Variants in DNHD1 observed in about 807,000 individuals in gnomAD.
DNHD1 encodes dynein heavy chain domain 1.
DNHD1 carries 383 observed loss-of-function variants against 458.1 expected under a neutral mutation model. The observed-to-expected ratio is 0.84, with a 90% CI of 0.77 to 0.91. DNHD1 has a LOEUF of 0.91. DNHD1 is among the 40% of genes least tolerant of loss of function. The probability of loss-of-function intolerance (pLI) is 0.00; values close to 1 mark genes in which losing one functional copy is unlikely to be tolerated. For missense variants in DNHD1, 5,336 were observed against 5,866.1 expected (o/e 0.91, Z 2.95); for synonymous variants, 2,203 against 2,376.9 (o/e 0.93, Z 2.13).
At chr11:6,509,876 G>A (rs1028559755) in intron 6 of DNHD1, among the ~76,000 whole-genome samples, 2 of 152,130 alleles carry the variant, frequency 1.3e-5, no homozygotes. Context: ...TTAGGTGGAA[G>A]ACATTAGGGA....
At position 6,558,204 on chromosome 11, in the gene DNHD1, A is replaced by G. The variant is rs187626415; in HGVS notation, c.8909A>G (p.Tyr2970Cys). ...LATSGSFPGQ[Y>C]TEADLDRIGE... Reference sequence around the variant, plus strand: ...ACCTCAGGCAGTTTCCCTGGCCAGTACACAGAAGCAGATTTGGACCGCATT... The same window carrying G: ...ACCTCAGGCAGTTTCCCTGGCCAGTGCACAGAAGCAGATTTGGACCGCATT... Residue 2970 changes from tyrosine to cysteine, a missense_variant, in exon 25 of 43, where the codon TAC becomes TGC. Physicochemically the swap from Tyr to Cys is radical, Grantham distance 194. Transcript: ENST00000254579. The G allele has an allele frequency of 2.3e-5, 36 of 1,551,690 alleles. No homozygotes were observed. The East Asian group carries it at 8.3e-4, about 36-fold the overall frequency.
chr11:6,500,638 C>T (rs547853596), intron 3 of DNHD1, among the ~76,000 whole-genome samples: 4 of 152,198 alleles, frequency 2.6e-5, no homozygotes, highest in African/African-American at 9.7e-5. Context: ...GGATCAAGTT[C>T]TTTGCCCTCC....
Position 6,498,182 on chromosome 11 carries a change from G to C in DNHD1, c.-34G>C. The C allele has an allele frequency of 1.9e-6, 3 of 1,584,422 alleles. No homozygotes were observed. Among genetic ancestry groups the C allele is most frequent in the Non-Finnish European group, 2.6e-6 (3 of 1,163,578 alleles). ...AGTTGGAGCCTGAGCTATGGGCAAG[G>C]TCACTTCGACAGCAGTTGAATGCCC... On this transcript the variant is annotated 5_prime_UTR_variant, in exon 3 of 43. Coordinates refer to ENST00000254579, the MANE Select transcript of DNHD1 (RefSeq NM_144666.3).
Position 6,570,137 on chromosome 11 carries a change from C to T in DNHD1, c.12955+37C>T, listed in dbSNP as rs1853807835. ...CCTCTCCCCCTTGGAGTCATCAGCC[C>T]CCAGGAGAGCCTGGAAGAGGGTGGG... On this transcript the variant is annotated intron_variant, in intron 40 of 42. Transcript: ENST00000254579. The T allele has an allele frequency of 2.5e-6, 4 of 1,613,072 alleles. No homozygotes were observed. The African/African-American group carries it at 4.0e-5, about 16-fold the overall frequency.
At position 6,545,746 on chromosome 11, in the gene DNHD1, C is replaced by A; in HGVS notation, c.4807C>A (p.Arg1603Ser). The change falls in exon 21 of 43, where the codon CGC becomes AGC. Residue 1603 changes from arginine (R) to serine (S), a missense_variant. By Grantham distance (110) the Arg-to-Ser change is moderately radical (BLOSUM62 -1). This residue lies in a region of DNHD1 where 3,932 missense variants were observed against 4,365.6 expected (regional missense o/e 0.90). Coordinates refer to ENST00000254579, the MANE Select transcript of DNHD1 (RefSeq NM_144666.3). The surrounding 1 kb of genome is among the most constrained non-coding windows in gnomAD (Gnocchi z 4.9). ...TGATCTCACAGACTTTCACTGGGTC[C>A]GCCAACTCAAGTATCACTTGGGTTC... ...VSDLTDFHWV[R>S]QLKYHLGSPH... is the part of the protein sequence containing the mutation. The A allele has an allele frequency of 6.4e-7, 1 of 1,551,668 alleles. No homozygotes were observed.
chr11:6,565,625 CA>C, intron 32 of DNHD1, 69 bp from the exon 33 acceptor site: 1 of 1,416,312 alleles, frequency 7.1e-7, no homozygotes, highest in Non-Finnish European at 9.4e-7. Flanking sequence ...TGGAGCCCTT[CA>C]GTGAATTCCT....
intron 39 of DNHD1, 92 bp from the exon 40 acceptor site, chr11:6,569,917 C>G: frequency 9.2e-7 from 1 of 1,084,018 alleles, no homozygotes; most frequent in Non-Finnish European, 1.4e-6. Flanking sequence ...GAACCCGAAG[C>G]TCAGGAGAGA....
In DNHD1 at chr11:6,548,516, C is replaced by T; in HGVS notation, c.7098+114C>T. ...TTGCTCCCTTTCTTTGATATATTTT[C>T]ACAATCACAAGAATACATGAAATAT... is the stretch of plus-strand genomic sequence containing the variant. On this transcript the variant is annotated intron_variant, in intron 23 of 42. Transcript: ENST00000254579. The surrounding 1 kb of genome is among the most constrained non-coding windows in gnomAD (Gnocchi z 4.4). The T allele has an allele frequency of 6.9e-7, 1 of 1,453,408 alleles. No individual in the cohort carries two copies. Among genetic ancestry groups the T allele is most frequent in the Non-Finnish European group, 9.3e-7 (1 of 1,074,676 alleles). 90.0% of individuals were successfully genotyped at this position (1,453,408 alleles called of 1,614,324 possible).
At chr11:6,533,554 A>G in intron 13 of DNHD1, 127 bp from the exon 14 acceptor site, 1 of 1,207,246 alleles carries the variant, frequency 8.3e-7, no homozygotes, top group Middle Eastern at 2.7e-4. Flanking sequence ...CCCTGATTCC[A>G]GTTGATTACA....
chr11:6,513,159 C>G (rs1852381416), intron 7 of DNHD1, among the ~76,000 whole-genome samples: 1 of 152,056 alleles, frequency 6.6e-6, no homozygotes, highest in South Asian at 2.1e-4. Flanking sequence ...TTCCTCAATC[C>G]CACCTTTAAT....
chr11:6,551,394 T>G (rs979376298), intron 24 of DNHD1, among the ~76,000 whole-genome samples: 1 of 152,130 alleles, frequency 6.6e-6, no homozygotes, highest in Non-Finnish European at 1.5e-5. Context: ...ATTTTCAGCT[T>G]AAGACTCTAG....
At chr11:6,537,859 A>G (rs1343483361) in intron 14 of DNHD1, among the ~76,000 whole-genome samples, 1 of 152,108 alleles carries the variant, frequency 6.6e-6, no homozygotes, top group Non-Finnish European at 1.5e-5. Context: ...TGAACCCGGG[A>G]GGCAGAGGTT....
intron 4 of DNHD1, among the ~76,000 whole-genome samples, chr11:6,504,397 C>T (rs1220472855): frequency 1.3e-5 from 2 of 152,238 alleles, no homozygotes; most frequent in African/African-American, 4.8e-5. Flanking sequence ...CGTTTGCTTG[C>T]TCTTTCTGCC....
chr11:6,528,406 T>TGG, intron 10 of DNHD1, 116 bp from the exon 11 acceptor site: 3 of 456,400 alleles, frequency 6.6e-6, no homozygotes, highest in Middle Eastern at 5.1e-4. Context: ...AGCGAATGGG[T>TGG]GTGTGTGTGT....
chr11:6,569,012 A>G, intron 39 of DNHD1, 146 bp downstream of exon 39: 1 of 1,034,666 alleles, frequency 9.7e-7, no homozygotes, highest in Middle Eastern at 3.1e-4. Context: ...TTCTCCAAAG[A>G]CTTTGAGATT....
At position 6,545,114 on chromosome 11, in the gene DNHD1, A is replaced by G. The variant is rs115918642; in HGVS notation, c.4175A>G (p.His1392Arg). The change falls in exon 21 of 43, where the codon CAT becomes CGT. Residue 1392 changes from histidine to arginine, a missense_variant. By Grantham distance (29) the His-to-Arg change is conservative. Coordinates refer to ENST00000254579, the MANE Select transcript of DNHD1 (RefSeq NM_144666.3). This position sits in a 1 kb window ranked among gnomAD's most constrained non-coding sequence, Gnocchi z 4.9. ...GTACGACGCTGCTTTCCTCATGTGC[A>G]TGCTGTGAGCTTCAGGTCTTGCCCA... Reference protein sequence around the residue: ...LWVRRCFPHVHAVSFRSCPTG... With the variant: ...LWVRRCFPHVRAVSFRSCPTG... 32 of 1,552,034 alleles carry G rather than the reference A, an allele frequency of 2.1e-5. No individual in the cohort carries two copies. Among genetic ancestry groups the G allele is most frequent in the Non-Finnish European group, 2.4e-5 (28 of 1,147,094 alleles).
chr11:6,539,577 G>T (rs1564813508), intron 17 of DNHD1, among the ~76,000 whole-genome samples: 1 of 152,294 alleles, frequency 6.6e-6, no homozygotes, highest in Non-Finnish European at 1.5e-5. Flanking sequence ...AATGGCAGGT[G>T]CCCCCCAACA....
rs539359270 is a variant in DNHD1, at chr11:6,553,022, A to G, written c.7388-3661A>G. On this transcript the variant is annotated intron_variant, in intron 24 of 42. Transcript: ENST00000254579. ...CAACTTATATATACTTTTTCAGAAA[A>G]TGGAGAATACTAAGCCATGATGAAG... 2.6e-5 allele frequency among the ~76,000 whole-genome samples: 4 copies of G among 152,360 alleles called. 1 individual carries two copies. The highest frequency in any genetic ancestry group is 9.6e-5 in the African/African-American group (4 of 41,582).
chr11:6,534,924 T>G (rs1852913210), intron 14 of DNHD1, among the ~76,000 whole-genome samples: 1 of 152,176 alleles, frequency 6.6e-6, no homozygotes, highest in South Asian at 2.1e-4. Context: ...TTTTTGTATT[T>G]TTTGTAGAGA....
Sources: gnomAD v4.1 joint callset for allele counts (sites outside exome capture counted in the v4.1 genomes callset) on GRCh38, gnomAD v4.1.1 for gene constraint, gnomAD v4.1.1 regional missense constraint, Gnocchi (gnomAD v3.1) non-coding constraint, MANE v1.5 for transcripts, NCBI Gene and HGNC (gene_info 2026-07-23, HGNC 2026-07-21) for gene names.